SUGCT: variants seen among roughly 807,000 people sequenced by gnomAD.
The protein encoded by SUGCT is succinyl-CoA:glutarate-CoA transferase.
SUGCT carries 41 observed loss-of-function variants against 55.0 expected under a neutral mutation model. That is an observed-to-expected ratio of 0.74 (90% CI 0.58 to 0.97). The LOEUF (loss-of-function observed/expected upper bound fraction) is 0.97, where lower values mean the gene tolerates loss of function less well. Ranked by LOEUF, SUGCT falls within the 50% of genes least tolerant of loss-of-function variation. The pLI, the probability that SUGCT is intolerant of heterozygous loss-of-function variation, is 0.00. For missense variants in SUGCT, 568 were observed against 547.8 expected, an observed-to-expected ratio of 1.04 and a Z score of -0.37; for synonymous variants, 187 against 200.4, an observed-to-expected ratio of 0.93 and a Z score of 0.56.
At chr7:40,684,624 A>T (rs527737983) in intron 12 of SUGCT, among the ~76,000 whole-genome samples, 1 of 152,102 alleles carries the variant, frequency 6.6e-6, no homozygotes, top group South Asian at 2.1e-4. Context: ...ATATTTTTTG[A>T]ATTTTAGACA....
intron 9 of SUGCT, among the ~76,000 whole-genome samples, chr7:40,405,762 A>T (rs1439882543): frequency 6.8e-6 from 1 of 147,942 alleles, no homozygotes; most frequent in African/African-American, 2.5e-5. Context: ...GTGAGCGGAG[A>T]TAGCGCCACT....
intron 12 of SUGCT, among the ~76,000 whole-genome samples, chr7:40,655,878 T>C (rs1800996935): frequency 6.6e-6 from 1 of 152,224 alleles, no homozygotes; most frequent in African/African-American, 2.4e-5. Flanking sequence ...GCCATACTAC[T>C]GATGTTTTAG....
chr7:40,898,071 A>C, the SUGCT span, among the ~76,000 whole-genome samples: 1 of 152,132 alleles, frequency 6.6e-6, no homozygotes, highest in Non-Finnish European at 1.5e-5. Context: ...CCTTGGGTCC[A>C]CGCTGTCTTT....
chr7:40,407,742 T>G (rs1469887924), intron 9 of SUGCT, among the ~76,000 whole-genome samples: 1 of 151,894 alleles, frequency 6.6e-6, no homozygotes, highest in Non-Finnish European at 1.5e-5. Flanking sequence ...CCTCCCCCAA[T>G]TTACGAATTG....
At chr7:40,644,265 C>G (rs1056795182) in intron 12 of SUGCT, among the ~76,000 whole-genome samples, 3 of 152,202 alleles carry the variant, frequency 2.0e-5, no homozygotes, top group Non-Finnish European at 2.9e-5. Context: ...GTCTCCTGAT[C>G]TTGATCTGTC....
intron 12 of SUGCT, among the ~76,000 whole-genome samples, chr7:40,532,583 G>A (rs966754235): frequency 6.6e-6 from 1 of 151,382 alleles, no homozygotes; most frequent in Middle Eastern, 3.4e-3. Flanking sequence ...TGCTGTGTTT[G>A]TGGATCGCCT....
chr7:40,382,005 GTGTGTGTGTC>G (rs1032188176), intron 9 of SUGCT, among the ~76,000 whole-genome samples: 2 of 144,632 alleles, frequency 1.4e-5, no homozygotes, highest in Admixed American at 6.9e-5. Context: ...ATCAAGGGAC[GTGTGTGTGTC>G]TGTGTGTGTG....
the SUGCT span, among the ~76,000 whole-genome samples, chr7:40,915,093 C>T: frequency 1.3e-5 from 2 of 152,162 alleles, no homozygotes; most frequent in Non-Finnish European, 2.9e-5. Flanking sequence ...TTTCCGATCA[C>T]TGCTGAGCAT....
At chr7:41,025,752 G>T in the SUGCT span, among the ~76,000 whole-genome samples, 1 of 152,192 alleles carries the variant, frequency 6.6e-6, no homozygotes. Context: ...GTGAAAAAAT[G>T]TTAAATTCTG....
intron 10 of SUGCT, among the ~76,000 whole-genome samples, chr7:40,450,868 A>G (rs1421225469): frequency 6.6e-6 from 1 of 152,084 alleles, no homozygotes; most frequent in African/African-American, 2.4e-5. Flanking sequence ...CCTCTTTTGT[A>G]TGAGAAGGTA....
chr7:40,466,819 G>T (rs539885185), intron 11 of SUGCT, among the ~76,000 whole-genome samples: 1 of 152,296 alleles, frequency 6.6e-6, no homozygotes, highest in South Asian at 2.1e-4. Context: ...ATCTGAATTT[G>T]AGATCCTAGT....
chr7:40,216,498 CA>C (rs1022915051), intron 6 of SUGCT, among the ~76,000 whole-genome samples: 799 of 50,414 alleles, frequency 0.016, 2 homozygotes, highest in African/African-American at 0.031. Context: ...GACTCCGTCT[CA>C]AAAAAAAAAA....
At chr7:40,185,478 A>T (rs576870108) in intron 3 of SUGCT, among the ~76,000 whole-genome samples, 157 of 151,990 alleles carry the variant, frequency 1.0e-3, no homozygotes, top group African/African-American at 3.5e-3. Flanking sequence ...ATTATGTCTC[A>T]TCGCCATACA....
intron 12 of SUGCT, among the ~76,000 whole-genome samples, chr7:40,552,059 T>A (rs1409845422): frequency 1.3e-5 from 2 of 152,178 alleles, no homozygotes; most frequent in Non-Finnish European, 2.9e-5. Flanking sequence ...AGAATTGTCT[T>A]GAGAGTTCAT....
intron 12 of SUGCT, among the ~76,000 whole-genome samples, chr7:40,582,602 G>A (rs1797163811): frequency 1.3e-5 from 2 of 152,108 alleles, no homozygotes; most frequent in African/African-American, 2.4e-5. Flanking sequence ...TCCTTTCTTC[G>A]TATGCTGGAG....
intron 13 of SUGCT, among the ~76,000 whole-genome samples, chr7:40,786,538 A>G (rs1790022706): frequency 1.3e-5 from 2 of 152,230 alleles, no homozygotes; most frequent in South Asian, 4.1e-4. Flanking sequence ...AGCAGAAACA[A>G]TTCCAAATAT....
intron 6 of SUGCT, among the ~76,000 whole-genome samples, 162 bp downstream of exon 6, chr7:40,195,222 C>CTTTTTT (rs11326653): frequency 8.3e-4 from 84 of 101,038 alleles, no homozygotes; most frequent in Middle Eastern, 5.7e-3. Flanking sequence ...TTTCTTTTTT[C>CTTTTTT]TTTTTTTTTT....
chr7:40,961,985 CAATGTG>C, the SUGCT span, among the ~76,000 whole-genome samples: 1 of 152,156 alleles, frequency 6.6e-6, no homozygotes. Flanking sequence ...AAAGCTTCCA[CAATGTG>C]GAAGGGGACC....
chr7:40,381,843 T>C (rs986647975), intron 9 of SUGCT, among the ~76,000 whole-genome samples: 12 of 152,146 alleles, frequency 7.9e-5, no homozygotes, highest in African/African-American at 2.7e-4. Flanking sequence ...GAGCAAGTGA[T>C]TAGTATTTTT....
Sources: allele counts gnomAD v4.1 joint callset (sites outside exome capture counted in the v4.1 genomes callset), GRCh38; gene constraint gnomAD v4.1.1; transcripts MANE v1.5; gene names NCBI Gene and HGNC (gene_info 2026-07-23, HGNC 2026-07-21).